The following MARCHF1 variants were observed in gnomAD, a reference collection of about 807,000 sequenced individuals.
MARCHF1 encodes E3 ubiquitin-protein ligase MARCHF1.
A neutral mutation model predicts 54.2 loss-of-function variants in MARCHF1; 40 were observed. The observed-to-expected ratio is 0.74, with a 90% confidence interval of 0.57 to 0.96. The LOEUF is 0.96. Ranked by LOEUF, MARCHF1 falls within the 40% of genes least tolerant of loss-of-function variation. The pLI, the probability that MARCHF1 is intolerant of heterozygous loss-of-function variation, is 0.00. For missense variants in MARCHF1, 586 were observed against 656.5 expected, an observed-to-expected ratio of 0.89 and a Z score of 1.17; for synonymous variants, 236 against 236.3, an observed-to-expected ratio of 1.00 and a Z score of 0.01.
chr4:163,766,941 C>T (rs1170759764), intron 4 of MARCHF1, among the ~76,000 whole-genome samples: 2 of 151,902 alleles, frequency 1.3e-5, no homozygotes, highest in African/African-American at 4.8e-5. Context: ...CATTATAGAA[C>T]TCCAGTCAAT....
At position 163,733,201 on chromosome 4, in the gene MARCHF1, A is replaced by ACACATG. The variant is rs1193985457; in HGVS notation, c.112-32339_112-32338insCATGTG. ...TGTATATATATATATATATATATAT[A>ACACATG]TATATATATATATATATATACACGT... is the stretch of plus-strand genomic sequence containing the variant. On this transcript the variant is annotated intron_variant, in intron 4 of 9. Coordinates refer to ENST00000514618, the MANE Select transcript of MARCHF1 (RefSeq NM_001394959.1). Among the ~76,000 whole-genome samples, 31 of 34,258 alleles carry ACACATG rather than the reference A, an allele frequency of 9.0e-4. 3 individuals carry two copies. The highest frequency in any genetic ancestry group is 2.3e-3 in the African/African-American group (26 of 11,302). The allele number at this position is 34,258 out of a possible 152,430, so 22.5% of individuals were successfully genotyped here.
At chr4:163,895,826 C>G (rs1750794037) in intron 3 of MARCHF1, among the ~76,000 whole-genome samples, 1 of 152,118 alleles carries the variant, frequency 6.6e-6, no homozygotes, top group Non-Finnish European at 1.5e-5. Context: ...GGGTAATGCA[C>G]AAACAGAGTC....
chr4:163,945,248 T>C (rs117504032), intron 3 of MARCHF1, among the ~76,000 whole-genome samples: 2,827 of 152,280 alleles, frequency 0.019, 46 homozygotes, highest in South Asian at 0.046. Context: ...TTTTTTTTTC[T>C]GGGGTTCTTT....
chr4:163,913,861 T>G (rs1268641162), intron 3 of MARCHF1, among the ~76,000 whole-genome samples: 1 of 152,182 alleles, frequency 6.6e-6, no homozygotes, highest in Non-Finnish European at 1.5e-5. Context: ...AAATGTTCAT[T>G]GATCAGACTC....
chr4:163,620,602 C>T (rs908337809), intron 5 of MARCHF1, among the ~76,000 whole-genome samples: 1 of 97,914 alleles, frequency 1.0e-5, no homozygotes, highest in Non-Finnish European at 1.8e-5. Context: ...CACACACACA[C>T]ACACAGAGAG....
chr4:164,150,963 T>G (rs1729919006), intron 1 of MARCHF1, among the ~76,000 whole-genome samples: 2 of 152,104 alleles, frequency 1.3e-5, no homozygotes, highest in South Asian at 4.1e-4. Flanking sequence ...GTGTCAGTGG[T>G]GGAGTGCTGT....
At chr4:164,194,406 G>T (rs1234933999) in intron 1 of MARCHF1, among the ~76,000 whole-genome samples, 1 of 152,108 alleles carries the variant, frequency 6.6e-6, no homozygotes, top group African/African-American at 2.4e-5. Flanking sequence ...CATCATGATG[G>T]ATGAACAAAT....
intron 8 of MARCHF1, among the ~76,000 whole-genome samples, chr4:163,565,569 ATTAG>A (rs1171934615): frequency 6.6e-6 from 1 of 152,204 alleles, no homozygotes; most frequent in Non-Finnish European, 1.5e-5. Flanking sequence ...CCTATGAAAT[ATTAG>A]TTCTCACTTT....
At chr4:163,682,421 A>G (rs1339225243) in intron 5 of MARCHF1, among the ~76,000 whole-genome samples, 1 of 152,210 alleles carries the variant, frequency 6.6e-6, no homozygotes, top group Non-Finnish European at 1.5e-5. Context: ...AGGGCACGGC[A>G]GAGACCTTTG....
intron 1 of MARCHF1, among the ~76,000 whole-genome samples, chr4:164,274,195 C>T (rs372343272): frequency 3.6e-4 from 55 of 152,294 alleles, no homozygotes; most frequent in Admixed American, 4.6e-4. Context: ...TTCTGCTCTA[C>T]GTAAAAGTTT....
chr4:164,206,973 A>C (rs1194927000), intron 1 of MARCHF1, among the ~76,000 whole-genome samples: 2 of 152,156 alleles, frequency 1.3e-5, no homozygotes, highest in African/African-American at 2.4e-5. Flanking sequence ...AATTTACCAT[A>C]AATACTAAAT....
At chr4:163,866,218 AT>A in intron 3 of MARCHF1, among the ~76,000 whole-genome samples, 1 of 151,480 alleles carries the variant, frequency 6.6e-6, no homozygotes, top group East Asian at 1.9e-4. Flanking sequence ...TTTTTTACCT[AT>A]TTTTAACTAT....
intron 5 of MARCHF1, among the ~76,000 whole-genome samples, chr4:163,680,045 TCA>T (rs1240037179): frequency 6.6e-6 from 1 of 151,636 alleles, no homozygotes; most frequent in African/African-American, 2.4e-5. Flanking sequence ...TCAAGGCTTT[TCA>T]CATTGCTTTC....
At chr4:163,576,452 A>G (rs1740039390) in intron 8 of MARCHF1, among the ~76,000 whole-genome samples, 1 of 152,032 alleles carries the variant, frequency 6.6e-6, no homozygotes, top group Non-Finnish European at 1.5e-5. Flanking sequence ...CTTCTGCTTT[A>G]TGGCTCAGCA....
At chr4:164,371,487 A>G (rs1465363002) in intron 1 of MARCHF1, among the ~76,000 whole-genome samples, 4 of 152,238 alleles carry the variant, frequency 2.6e-5, no homozygotes, top group African/African-American at 4.8e-5. Context: ...AAATATTTCA[A>G]TGCATGTAAA....
rs568014576 is a variant in MARCHF1, at chr4:164,267,006, C to T, written c.-323+116864G>A. On this transcript the variant is annotated intron_variant, in intron 1 of 9. Transcript: ENST00000514618. The stretch of plus-strand genomic sequence containing the variant: ...AGAGTGTGGGGTGACATGATGTCTA[C>T]ATCACAGTCCAACATTCACAGAGTT... Among the ~76,000 whole-genome samples, 4 of 152,280 alleles carry T rather than the reference C, an allele frequency of 2.6e-5. No homozygotes were observed. In the South Asian group the frequency reaches 6.2e-4, roughly 24 times the overall value.
intron 4 of MARCHF1, among the ~76,000 whole-genome samples, chr4:163,725,018 C>T (rs1745608352): frequency 1.3e-5 from 2 of 152,068 alleles, no homozygotes; most frequent in Admixed American, 1.3e-4. Flanking sequence ...TACTGTCCTG[C>T]CCCCACTGTC....
chr4:164,163,052 C>T (rs1730281321), intron 1 of MARCHF1, among the ~76,000 whole-genome samples: 1 of 151,896 alleles, frequency 6.6e-6, no homozygotes, highest in Non-Finnish European at 1.5e-5. Context: ...ATGAAGAAGA[C>T]AAATTAAGAA....
At chr4:164,088,168 A>T (rs921324003) in intron 2 of MARCHF1, among the ~76,000 whole-genome samples, 6 of 152,180 alleles carry the variant, frequency 3.9e-5, no homozygotes, top group African/African-American at 1.4e-4. Context: ...CCCCTCATGG[A>T]TTTACTCTCT....
Sources: gnomAD v4.1 joint callset for allele counts (sites outside exome capture counted in the v4.1 genomes callset) on GRCh38, gnomAD v4.1.1 for gene constraint, MANE v1.5 for transcripts, NCBI Gene and HGNC (gene_info 2026-07-23, HGNC 2026-07-21) for gene names.